The following POC1B variants were observed in gnomAD, a reference collection of about 807,000 sequenced individuals.
The protein encoded by POC1B is POC1 centriolar protein B, also known as POC1 centriolar protein homolog B.
POC1B carries 44 observed loss-of-function variants against 60.6 expected under a neutral mutation model. That is an observed-to-expected ratio of 0.73 (90% CI 0.57 to 0.93). The LOEUF (loss-of-function observed/expected upper bound fraction) is 0.93, where lower values mean the gene tolerates loss of function less well. Ranked by LOEUF, POC1B falls within the 40% of genes least tolerant of loss-of-function variation. The pLI, the probability that POC1B is intolerant of heterozygous loss-of-function variation, is 0.00. For missense variants in POC1B, 555 were observed against 572.3 expected, an observed-to-expected ratio of 0.97 and a Z score of 0.31; for synonymous variants, 180 against 198.9, an observed-to-expected ratio of 0.90 and a Z score of 0.80.
chr12:89,493,097 T>C (rs958505701), intron 3 of POC1B, among the ~76,000 whole-genome samples: 10 of 152,168 alleles, frequency 6.6e-5, no homozygotes, highest in African/African-American at 2.4e-4. Flanking sequence ...CTGAACTTTG[T>C]ACTCGGAACA....
In POC1B at chr12:89,497,244, G is replaced by A; in HGVS notation, c.199C>T (p.Gln67Ter). 6.2e-7 allele frequency: 1 copy of A among 1,613,718 alleles called. No individual in the cohort carries two copies. The highest frequency in any genetic ancestry group is 8.5e-7 in the Non-Finnish European group (1 of 1,179,988). Reference protein sequence around the residue: ...VGHKDVVTSVQFSPHGNLLAS... With the variant: ...VGHKDVVTSV ...AATAAGTTTCCATGTGGAGAAAACT[G>A]CACGCTGGTTACAACATCCTTGTGA... The change falls in exon 3 of 12, where the codon CAG (glutamine) becomes TAG (stop). Residue 67 changes from glutamine to a stop codon, truncating the protein, a stop_gained. Coordinates refer to ENST00000313546, the MANE Select transcript of POC1B (RefSeq NM_172240.3). LOFTEE classifies it high-confidence loss of function.
intron 4 of POC1B, among the ~76,000 whole-genome samples, chr12:89,473,315 T>A (rs1228209820): frequency 6.6e-6 from 1 of 152,242 alleles, no homozygotes; most frequent in Non-Finnish European, 1.5e-5. Flanking sequence ...AAACTTTGCA[T>A]CTGGCGTTCA....
chr12:89,472,341 C>T (rs1046092649), intron 4 of POC1B, 66 bp from the exon 5 acceptor site: 2 of 1,036,462 alleles, frequency 1.9e-6, no homozygotes, highest in Non-Finnish European at 2.9e-6. Flanking sequence ...CTCACCTCTA[C>T]ACCACAAATA....
intron 10 of POC1B, among the ~76,000 whole-genome samples, chr12:89,437,755 T>C (rs1881331273): frequency 6.6e-6 from 1 of 152,158 alleles, no homozygotes; most frequent in Non-Finnish European, 1.5e-5. Flanking sequence ...CTAAATAAGA[T>C]TTTAAAAATT....
chr12:89,470,389 C>T lies in POC1B; in HGVS notation c.782G>A (p.Arg261Lys). The change falls in exon 7 of 12, where the codon AGG (arginine) becomes AAG (lysine). Residue 261 changes from arginine to lysine, a missense_variant. Coordinates refer to ENST00000313546, the MANE Select transcript of POC1B (RefSeq NM_172240.3). ...ATGTCCTTGAAGTGTATAGATGAGC[C>T]TTCCTTCTAAGAGGTCCAGAATCTT... Reference protein sequence around the residue: ...TLKILDLLEGRLIYTLQGHTG... With the variant: ...TLKILDLLEGKLIYTLQGHTG... 5.0e-6 allele frequency: 8 copies of T among 1,588,982 alleles called. No individual in the cohort carries two copies. The highest frequency in any genetic ancestry group is 6.9e-6 in the Non-Finnish European group (8 of 1,161,906).
chr12:89,525,860 C>T, intron 1 of POC1B, 21 bp downstream of exon 1: 2 of 1,417,570 alleles, frequency 1.4e-6, no homozygotes, highest in Non-Finnish European at 1.9e-6. Context: ...GGGACCCCCC[C>T]CACCTCCAAC....
At chr12:89,489,490 A>G (rs978210134) in intron 4 of POC1B, among the ~76,000 whole-genome samples, 3 of 152,140 alleles carry the variant, frequency 2.0e-5, no homozygotes, top group Admixed American at 6.5e-5. Flanking sequence ...AGAAAAACCT[A>G]GTGACTAAAA....
Position 89,471,646 on chromosome 12 carries a change from AC to A in POC1B, c.643del (p.Val215Ter). 1 of 1,612,122 alleles carries A rather than the reference AC, an allele frequency of 6.2e-7. No individual in the cohort carries two copies. ...ATGCTGTAGTAATTTGTTCACTCTT[AC>A]ATCCCAGACTTTCACAGTTTGATCA... ...GSDQTVKVWD[V>X]RVNKLLQHYQ... On this transcript the variant is annotated frameshift_variant, in exon 6 of 12. Transcript: ENST00000313546. LOFTEE classifies it high-confidence loss of function.
chr12:89,448,849 A>G (rs1392606986), intron 10 of POC1B, among the ~76,000 whole-genome samples: 2 of 152,200 alleles, frequency 1.3e-5, no homozygotes, highest in Non-Finnish European at 2.9e-5. Context: ...GGATTTATGT[A>G]CTTGGCAAGT....
intron 10 of POC1B, chr12:89,429,435 A>G (rs149825484): frequency 1.3e-5 from 2 of 152,284 alleles, no homozygotes; most frequent in East Asian, 1.9e-4. Flanking sequence ...AGTATTTTTT[A>G]AAAAGGTACA....
At chr12:89,517,951 A>G (rs951611475) in intron 2 of POC1B, among the ~76,000 whole-genome samples, 12 of 152,174 alleles carry the variant, frequency 7.9e-5, no homozygotes. Flanking sequence ...TAGAATGGTG[A>G]CCAGACACCC....
the POC1B span, among the ~76,000 whole-genome samples, chr12:89,410,395 C>G: frequency 2.0e-5 from 3 of 152,006 alleles, no homozygotes; most frequent in Non-Finnish European, 4.4e-5. Context: ...AAAACCGGCA[C>G]AAGGTCGGGC....
intron 2 of POC1B, among the ~76,000 whole-genome samples, chr12:89,519,064 T>C (rs1046528411): frequency 2.6e-5 from 4 of 152,032 alleles, no homozygotes; most frequent in Non-Finnish European, 5.9e-5. Flanking sequence ...TGAGGATATG[T>C]GGTTTAGAGG....
chr12:89,521,524 G>A (rs578228606), intron 2 of POC1B: 63 of 153,358 alleles, frequency 4.1e-4, no homozygotes, highest in Non-Finnish European at 7.7e-4. Flanking sequence ...GTATTGTAAA[G>A]ATTGCACAGT....
intron 11 of POC1B, 130 bp from the exon 12 acceptor site, chr12:89,421,387 A>ACTTCTGTGCTTC: frequency 1.5e-6 from 1 of 683,722 alleles, no homozygotes. Flanking sequence ...TGGCTCAAAA[A>ACTTCTGTGCTTC]TGAGCCCCAG....
intron 2 of POC1B, chr12:89,524,137 G>A: frequency 6.2e-7 from 1 of 1,614,044 alleles, no homozygotes; most frequent in South Asian, 1.1e-5. Flanking sequence ...AATGATAACA[G>A]AGGTGGTAGG....
intron 2 of POC1B, among the ~76,000 whole-genome samples, chr12:89,518,169 A>G (rs1870554318): frequency 1.3e-5 from 2 of 152,010 alleles, no homozygotes; most frequent in East Asian, 1.9e-4. Flanking sequence ...GCTGTGGACA[A>G]CTATACAACT....
rs1002980466 is a variant in POC1B, at chr12:89,502,028, A to T, written c.101-4686T>A. On this transcript the variant is annotated intron_variant, in intron 2 of 11. Transcript: ENST00000313546. ...TCTAGATCTACAGGAAGCTCAAAGA[A>T]TGAAGATAATATTATGACTGCACAG... is the stretch of plus-strand genomic sequence containing the variant. The T allele has an allele frequency of 4.0e-6, 4 of 988,100 alleles. No individual in the cohort carries two copies. The African/African-American group carries it at 6.3e-5, about 16-fold the overall frequency. The allele number at this position is 988,100 out of a possible 1,614,324, so 61.2% of individuals were successfully genotyped here. A position where few individuals can be genotyped will look rare whatever the true frequency, so the allele number is the denominator to read the frequency against.
intron 10 of POC1B, among the ~76,000 whole-genome samples, chr12:89,440,849 G>A (rs1011933326): frequency 2.0e-5 from 3 of 152,216 alleles, no homozygotes; most frequent in African/African-American, 4.8e-5. Flanking sequence ...TGGGGTCAGG[G>A]AATTCCCTTT....
Sources: allele counts gnomAD v4.1 joint callset (sites outside exome capture counted in the v4.1 genomes callset), GRCh38; gene constraint gnomAD v4.1.1; transcripts MANE v1.5; gene names NCBI Gene and HGNC (gene_info 2026-07-23, HGNC 2026-07-21).